The following CLN6 variants were observed in gnomAD, a reference collection of about 807,000 sequenced individuals.
CLN6 encodes the protein CLN6 transmembrane ER protein, also known as ceroid-lipofuscinosis neuronal protein 6.
Under a neutral mutation model 33.3 loss-of-function variants are expected in CLN6, and 22 were observed. The observed-to-expected ratio is 0.66, with a 90% CI of 0.47 to 0.94. The LOEUF is 0.94. Ranked by LOEUF, CLN6 falls within the 40% of genes least tolerant of loss-of-function variation. CLN6 has a pLI of 0.00. For synonymous variants in CLN6, 201 were observed against 174.6 expected, an observed-to-expected ratio of 1.15 and a Z score of -1.19; for missense variants, 387 against 417.1, an observed-to-expected ratio of 0.93 and a Z score of 0.63.
Position 68,209,725 on chromosome 15 carries a change from A to G in CLN6, c.577T>C (p.Phe193Leu). 1 of 1,613,844 alleles carries G rather than the reference A, an allele frequency of 6.2e-7. No individual in the cohort carries two copies. The highest frequency in any genetic ancestry group is 2.2e-5 in the East Asian group (1 of 44,882). ...IPFFLILFMY[F>L]SGCFTASKAE... The stretch of plus-strand genomic sequence containing the variant: ...TTAGAGGCAGTAAAGCAGCCGCTGA[A>G]GTACATGAAGAGGATGAGGAAGAAG... Residue 193 changes from phenylalanine (F) to leucine (L), a missense_variant, in exon 6 of 7, where the codon TTC becomes CTC. By Grantham distance (22) the Phe-to-Leu change is conservative. Coordinates refer to ENST00000249806, the MANE Select transcript of CLN6 (RefSeq NM_017882.3). This position sits in a 1 kb window ranked among gnomAD's most constrained non-coding sequence, Gnocchi z 4.9.
chr15:68,209,211 T>A lies in CLN6; in HGVS notation c.665+426A>T, dbSNP rs1360244877. On this transcript the variant is annotated intron_variant, in intron 6 of 6. Coordinates refer to ENST00000249806, the MANE Select transcript of CLN6 (RefSeq NM_017882.3). The surrounding 1 kb of genome is among the most constrained non-coding windows in gnomAD (Gnocchi z 4.9). The stretch of plus-strand genomic sequence containing the variant: ...AGTGCTTTACATTTGACAAAGCCCC[T>A]CTCTGTCCTCAGCATCCTCATCATC... Among the ~76,000 whole-genome samples, 1 of 152,114 alleles carries A rather than the reference T, an allele frequency of 6.6e-6. No individual in the cohort carries two copies. The highest frequency in any genetic ancestry group is 2.4e-5 in the African/African-American group (1 of 41,394).
chr15:68,235,607 T>A lies in CLN6; in HGVS notation c.180-16957A>T, dbSNP rs201767519. On this transcript the variant is annotated intron_variant, in intron 1 of 6. Coordinates refer to the CLN6 transcript ENST00000538696. ...AAATAAATATATATATATATATATA[T>A]ATATATATATATATATATATATATA... 4.5e-3 allele frequency among the ~76,000 whole-genome samples: 17 copies of A among 3,814 alleles called. 1 individual carries two copies. Among genetic ancestry groups the A allele is most frequent in the African/African-American group, 4.8e-3 (16 of 3,340 alleles). 2.5% of individuals were successfully genotyped at this position (3,814 alleles called of 152,430 possible). A position where few individuals can be genotyped will look rare whatever the true frequency, so the allele number is the denominator to read the frequency against.
intron 2 of CLN6, 45 bp from the exon 3 acceptor site, chr15:68,214,433 C>T (rs374299276): frequency 2.8e-5 from 41 of 1,487,736 alleles, no homozygotes; most frequent in South Asian, 7.9e-5. Context: ...CACAGCCCCA[C>T]GCGGCCCTCG....
chr15:68,251,083 A>G (rs1297062076), intron 1 of CLN6, among the ~76,000 whole-genome samples: 1 of 152,220 alleles, frequency 6.6e-6, no homozygotes, highest in African/African-American at 2.4e-5. Context: ...AAGACAATTT[A>G]TGATGGCTAA....
chr15:68,228,161 G>C lies in CLN6; in HGVS notation c.83+1341C>G, dbSNP rs1255619341. ...GTATGCGGTCTATGGCCAGTACATT[G>C]TTTCTAAGTGAAAACGGACACAGTC... On this transcript the variant is annotated intron_variant, in intron 1 of 6. Coordinates refer to ENST00000249806, the MANE Select transcript of CLN6 (RefSeq NM_017882.3). This position sits in a 1 kb window ranked among gnomAD's most constrained non-coding sequence, Gnocchi z 4.4. Among the ~76,000 whole-genome samples, 1 of 152,192 alleles carries C rather than the reference G, an allele frequency of 6.6e-6. No homozygotes were observed. The highest frequency in any genetic ancestry group is 1.5e-5 in the Non-Finnish European group (1 of 68,022).
At chr15:68,235,452 A>G (rs1282922745) in intron 1 of CLN6, among the ~76,000 whole-genome samples, 1 of 152,024 alleles carries the variant, frequency 6.6e-6, no homozygotes, top group Admixed American at 6.5e-5. Flanking sequence ...ATGACTTATT[A>G]GAGTGCTACA....
intron 1 of CLN6, among the ~76,000 whole-genome samples, chr15:68,252,793 G>A (rs779524742): frequency 1.3e-4 from 20 of 152,152 alleles, no homozygotes; most frequent in Admixed American, 2.0e-4. Context: ...ACTAAATAAA[G>A]TCAAACTTGC....
intron 1 of CLN6, among the ~76,000 whole-genome samples, chr15:68,243,423 A>C (rs1336010683): frequency 6.6e-6 from 1 of 152,208 alleles, no homozygotes; most frequent in Non-Finnish European, 1.5e-5. Context: ...CTTATGGTCA[A>C]ACTAATTAAG....
rs1169793638 is a variant in CLN6 at position 68,211,406 on chromosome 15, C to G, written c.487-88G>C. ...GGCCCCAAGCATCCCCTCTGACCAC[C>G]CTTCTCCCAGTCCCAGGCCTCCCCC... On this transcript the variant is annotated intron_variant, in intron 4 of 6. Coordinates refer to ENST00000249806, the MANE Select transcript of CLN6 (RefSeq NM_017882.3). The surrounding 1 kb of genome is among the most constrained non-coding windows in gnomAD (Gnocchi z 5.9). 14 of 1,547,958 alleles carry G rather than the reference C, an allele frequency of 9.0e-6. No individual in the cohort carries two copies. The highest frequency in any genetic ancestry group is 4.5e-5 in the South Asian group (4 of 89,650).
rs1431929672 is a variant in CLN6 at position 68,242,549 on chromosome 15, TAAA to T, written c.179+14138_179+14140del. On this transcript the variant is annotated intron_variant, in intron 1 of 6. Transcript: ENST00000538696. This position sits in a 1 kb window ranked among gnomAD's most constrained non-coding sequence, Gnocchi z 5.0. ...TAAGGAGACTCCATCTCAAAATAAA[TAAA>T]TAAATAAATAAGGAAAAGAAAAATA... Among the ~76,000 whole-genome samples, 1 of 151,854 alleles carries T rather than the reference TAAA, an allele frequency of 6.6e-6. No homozygotes were observed. Among genetic ancestry groups the T allele is most frequent in the Non-Finnish European group, 1.5e-5 (1 of 67,936 alleles).
chr15:68,224,049 A>T (rs1225619220), intron 1 of CLN6, among the ~76,000 whole-genome samples: 3 of 150,646 alleles, frequency 2.0e-5, no homozygotes, highest in African/African-American at 7.5e-5. Flanking sequence ...TGTCTCAAAA[A>T]GAAAACAACA....
upstream of CLN6, among the ~76,000 whole-genome samples, chr15:68,232,070 A>C (rs1260800813): frequency 6.6e-6 from 1 of 151,690 alleles, no homozygotes; most frequent in East Asian, 1.9e-4. This position sits in a 1 kb window ranked among gnomAD's most constrained non-coding sequence, Gnocchi z 4.7. Context: ...CTTTCAGCTG[A>C]GAAGGTCCTT....
chr15:68,207,586 C>T lies in CLN6; in HGVS notation c.*554G>A. The T allele has an allele frequency of 5.4e-6, 1 of 184,226 alleles. No homozygotes were observed. Among genetic ancestry groups the T allele is most frequent in the Admixed American group, 5.3e-5 (1 of 18,766 alleles). The allele number at this position is 184,226 out of a possible 1,614,324, so 11.4% of individuals were successfully genotyped here. On this transcript the variant is annotated 3_prime_UTR_variant, in exon 7 of 7. Coordinates refer to ENST00000249806, the MANE Select transcript of CLN6 (RefSeq NM_017882.3). ...GGTGTCAGCAACCCCAACCTACTGA[C>T]CTACTTTGGGACCACAGGCCCATCT... is the stretch of plus-strand genomic sequence containing the variant.
chr15:68,214,296 C>T lies in CLN6; in HGVS notation c.291G>A (p.Leu97=). The T allele has an allele frequency of 6.2e-7, 1 of 1,612,696 alleles. No homozygotes were observed. The highest frequency in any genetic ancestry group is 1.6e-4 in the Middle Eastern group (1 of 6,062). The change falls in exon 3 of 7, where the codon TTG becomes TTA. Residue 97 remains leucine, a synonymous_variant. Transcript: ENST00000249806. ...GGGGGCCCTGGGACAGTACCTTGAGCAAGAGAAAGGGCGTGATGACGTTGT... is the reference window on the plus strand; with the variant it reads ...GGGGGCCCTGGGACAGTACCTTGAGTAAGAGAAAGGGCGTGATGACGTTGT... ...MAYNVITPFL[L]LKLIERSPRT... is the part of the protein sequence containing the mutation.
chr15:68,248,053 C>T (rs958530706), intron 1 of CLN6, among the ~76,000 whole-genome samples: 15 of 148,666 alleles, frequency 1.0e-4, no homozygotes, highest in South Asian at 4.2e-4. Context: ...AAGAACAAAT[C>T]TGGAAGCATC....
At chr15:68,229,355 G>T in intron 1 of CLN6, 147 bp downstream of exon 1, 1 of 502,420 alleles carries the variant, frequency 2.0e-6, no homozygotes, top group Non-Finnish European at 3.2e-6. Context: ...ACGGTAGCGC[G>T]CCTCCAAGCC....
At chr15:68,233,305 GGGT>G (rs1258511911), upstream of CLN6, among the ~76,000 whole-genome samples, 1 of 151,664 alleles carries the variant, frequency 6.6e-6, no homozygotes, top group African/African-American at 2.4e-5. This position sits in a 1 kb window ranked among gnomAD's most constrained non-coding sequence, Gnocchi z 4.3. Flanking sequence ...ACCTACGGGG[GGGT>G]GGGGGGGGTG....
intron 3 of CLN6, chr15:68,212,468 A>G (rs10048021): frequency 0.55 from 84,185 of 153,472 alleles, 23,692 homozygotes; most frequent in African/African-American, 0.61. Flanking sequence ...AAATGTTTCA[A>G]ATTTCAGATT....
rs914117749 is a variant in CLN6, at chr15:68,246,826, A to C, written c.179+9864T>G. ...AAACAAAATTAACAGACCATTAACT[A>C]GGCTAAGATAAAAGGAGAGAAGTCC... On this transcript the variant is annotated intron_variant, in intron 1 of 6. Coordinates refer to the CLN6 transcript ENST00000538696. This position sits in a 1 kb window ranked among gnomAD's most constrained non-coding sequence, Gnocchi z 4.5. 1.3e-5 allele frequency among the ~76,000 whole-genome samples: 2 copies of C among 152,146 alleles called. No homozygotes were observed. The highest frequency in any genetic ancestry group is 4.8e-5 in the African/African-American group (2 of 41,404).
Sources: allele counts gnomAD v4.1 joint callset (sites outside exome capture counted in the v4.1 genomes callset), GRCh38; gene constraint gnomAD v4.1.1; non-coding constraint Gnocchi (gnomAD v3.1); transcripts MANE v1.5; gene names NCBI Gene and HGNC (gene_info 2026-07-23, HGNC 2026-07-21).